Variants in CCSER1 observed in about 807,000 individuals in gnomAD.
The protein encoded by CCSER1 is serine-rich coiled-coil domain-containing protein 1.
A neutral mutation model predicts 82.0 loss-of-function variants in CCSER1; 41 were observed. That is an observed-to-expected ratio of 0.50 (90% CI 0.39 to 0.65). The LOEUF (loss-of-function observed/expected upper bound fraction) is 0.65. Ranked by LOEUF, CCSER1 falls within the 30% of genes least tolerant of loss-of-function variation. The pLI is 0.00. For synonymous variants in CCSER1, 414 were observed against 383.9 expected, an observed-to-expected ratio of 1.08 and a Z score of -0.92; for missense variants, 1,119 against 1,064.2, an observed-to-expected ratio of 1.05 and a Z score of -0.72.
intron 1 of CCSER1, among the ~76,000 whole-genome samples, chr4:90,306,982 G>T (rs556784975): frequency 2.0e-4 from 31 of 152,284 alleles, no homozygotes; most frequent in Non-Finnish European, 3.7e-4. Flanking sequence ...AGGAGTTCAT[G>T]ACTAATTACT....
At chr4:90,279,730 C>T (rs1346121968) in intron 1 of CCSER1, among the ~76,000 whole-genome samples, 1 of 151,980 alleles carries the variant, frequency 6.6e-6, no homozygotes, top group Non-Finnish European at 1.5e-5. Context: ...CCTCCCATTT[C>T]CAATGATTAG....
At chr4:90,392,988 C>A (rs1003745911) in intron 3 of CCSER1, among the ~76,000 whole-genome samples, 2 of 152,146 alleles carry the variant, frequency 1.3e-5, no homozygotes, top group Non-Finnish European at 2.9e-5. Flanking sequence ...ATATGCACTA[C>A]TGGTGTATTG....
At chr4:90,332,486 T>G (rs1186123504) in intron 3 of CCSER1, among the ~76,000 whole-genome samples, 1 of 152,284 alleles carries the variant, frequency 6.6e-6, no homozygotes, top group South Asian at 2.1e-4. Flanking sequence ...TCCACCTGCC[T>G]TGGCCCTCCA....
At chr4:90,847,295 G>A (rs1763337807) in intron 8 of CCSER1, among the ~76,000 whole-genome samples, 1 of 152,126 alleles carries the variant, frequency 6.6e-6, no homozygotes, top group African/African-American at 2.4e-5. Flanking sequence ...TGTATGCATG[G>A]GCTGTGTGTG....
rs189406198 is a variant in CCSER1 at position 91,371,970 on chromosome 4, C to T, written c.2218-226602C>T. ...TATTCAGAATTCTAGAATGTAAGGG[C>T]TAAATTTTACTTTTACCTCAAAGAT... is the stretch of plus-strand genomic sequence containing the variant. On this transcript the variant is annotated intron_variant, in intron 10 of 10. Coordinates refer to ENST00000509176, the MANE Select transcript of CCSER1 (RefSeq NM_001145065.2). Among the ~76,000 whole-genome samples, 27 of 152,222 alleles carry T rather than the reference C, an allele frequency of 1.8e-4. 2 individuals carry two copies. Among genetic ancestry groups the T allele is most frequent in the Admixed American group, 1.7e-3 (26 of 15,278 alleles).
intron 1 of CCSER1, among the ~76,000 whole-genome samples, chr4:90,187,162 TAGG>T: frequency 6.6e-6 from 1 of 152,006 alleles, no homozygotes; most frequent in Middle Eastern, 3.4e-3. Context: ...ACAAATCACT[TAGG>T]AGAAATACCA....
At chr4:90,463,162 G>A (rs910021878) in intron 4 of CCSER1, among the ~76,000 whole-genome samples, 2 of 152,138 alleles carry the variant, frequency 1.3e-5, no homozygotes, top group Non-Finnish European at 2.9e-5. Context: ...ACAAAATACA[G>A]TCTTAAATAA....
chr4:90,914,842 A>G (rs1373152353), intron 8 of CCSER1, among the ~76,000 whole-genome samples: 3 of 152,246 alleles, frequency 2.0e-5, no homozygotes, highest in Admixed American at 2.0e-4. Flanking sequence ...TATCACCCCC[A>G]ATCCCACAGA....
At chr4:90,491,449 AT>A (rs991838292) in intron 5 of CCSER1, among the ~76,000 whole-genome samples, 16 of 152,324 alleles carry the variant, frequency 1.1e-4, no homozygotes, top group Non-Finnish European at 2.1e-4. Context: ...ATATACAATC[AT>A]GTTGTCTGCA....
intron 10 of CCSER1, among the ~76,000 whole-genome samples, chr4:91,313,824 A>T (rs1745651320): frequency 6.6e-6 from 1 of 151,980 alleles, no homozygotes; most frequent in Non-Finnish European, 1.5e-5. Context: ...GCCAGGCTGG[A>T]TAAAGCTACA....
chr4:90,435,290 T>G (rs1758844140), intron 4 of CCSER1, among the ~76,000 whole-genome samples: 1 of 152,120 alleles, frequency 6.6e-6, no homozygotes, highest in African/African-American at 2.4e-5. Context: ...AATAAAGATG[T>G]TAAAAATATT....
intron 6 of CCSER1, among the ~76,000 whole-genome samples, chr4:90,719,716 C>T (rs960027683): frequency 6.6e-6 from 1 of 152,140 alleles, no homozygotes; most frequent in African/African-American, 2.4e-5. Context: ...GGATCCCTCT[C>T]TTCACATTAT....
chr4:91,106,430 T>A (rs1725621504), intron 10 of CCSER1, among the ~76,000 whole-genome samples: 2 of 152,186 alleles, frequency 1.3e-5, no homozygotes, highest in Admixed American at 1.3e-4. Flanking sequence ...ATACCACAAC[T>A]GAATAATTCT....
chr4:90,606,066 T>C (rs17017260), intron 5 of CCSER1, among the ~76,000 whole-genome samples: 3,910 of 152,220 alleles, frequency 0.026, 106 homozygotes, highest in African/African-American at 0.059. Flanking sequence ...GGAATTTCCC[T>C]TTGAAAGAAA....
At chr4:90,665,483 G>A (rs993826213) in intron 6 of CCSER1, among the ~76,000 whole-genome samples, 14 of 151,884 alleles carry the variant, frequency 9.2e-5, no homozygotes, top group Admixed American at 8.5e-4. Flanking sequence ...CACCTCGCCC[G>A]GCTAATTTTT....
At chr4:90,526,675 T>C (rs906404338) in intron 5 of CCSER1, among the ~76,000 whole-genome samples, 4 of 152,200 alleles carry the variant, frequency 2.6e-5, no homozygotes, top group Non-Finnish European at 4.4e-5. Context: ...TCCAATTTCA[T>C]CTGTGTCCCT....
At chr4:90,197,062 A>G (rs1201440177) in intron 1 of CCSER1, among the ~76,000 whole-genome samples, 2 of 152,094 alleles carry the variant, frequency 1.3e-5, no homozygotes, top group Non-Finnish European at 1.5e-5. Flanking sequence ...GCTTCTGACC[A>G]GTTGATTATA....
At chr4:90,294,355 G>GA (rs554289794) in intron 1 of CCSER1, among the ~76,000 whole-genome samples, 4 of 151,172 alleles carry the variant, frequency 2.6e-5, no homozygotes, top group African/African-American at 7.3e-5. Context: ...CCATAAAAAG[G>GA]AAAAAAAATA....
At chr4:90,892,835 C>G (rs192679441) in intron 8 of CCSER1, among the ~76,000 whole-genome samples, 1 of 152,138 alleles carries the variant, frequency 6.6e-6, no homozygotes, top group East Asian at 1.9e-4. Context: ...TCTTCACCTC[C>G]CATTGCATTA....
Sources: allele counts gnomAD v4.1 joint callset (sites outside exome capture counted in the v4.1 genomes callset), GRCh38; gene constraint gnomAD v4.1.1; transcripts MANE v1.5; gene names NCBI Gene and HGNC (gene_info 2026-07-23, HGNC 2026-07-21).